The following GRM5 variants were observed in gnomAD, a reference collection of about 807,000 sequenced individuals.
GRM5 encodes the protein glutamate metabotropic receptor 5.
In GRM5, 19 loss-of-function variants were observed where a neutral mutation model predicts 83.1. That is an observed-to-expected ratio of 0.23 (90% CI 0.16 to 0.34). The LOEUF (loss-of-function observed/expected upper bound fraction) is 0.34, where lower values mean the gene tolerates loss of function less well. GRM5 is among the 10% of genes least tolerant of loss of function. The pLI is 1.00. For missense variants in GRM5, 1,160 were observed against 1,588.3 expected (o/e 0.73, Z 4.58); for synonymous variants, 675 against 633.6 (o/e 1.07, Z -0.98).
intron 2 of GRM5, among the ~76,000 whole-genome samples, chr11:88,959,983 TGATAA>T (rs199611016): frequency 3.9e-5 from 6 of 152,284 alleles, no homozygotes; most frequent in African/African-American, 9.6e-5. Context: ...AAGTCATCGC[TGATAA>T]GATGACATTT....
chr11:88,621,801 GT>G (rs1045236060), intron 4 of GRM5, among the ~76,000 whole-genome samples: 1 of 152,130 alleles, frequency 6.6e-6, no homozygotes, highest in Non-Finnish European at 1.5e-5. Context: ...AATAAGCACT[GT>G]AATTGAAATG....
chr11:88,510,237 G>A (rs1941327033), intron 9 of GRM5, among the ~76,000 whole-genome samples: 1 of 152,272 alleles, frequency 6.6e-6, no homozygotes, highest in Non-Finnish European at 1.5e-5. Context: ...TGAGAGTGCT[G>A]TATAATGCCT....
intron 2 of GRM5, among the ~76,000 whole-genome samples, chr11:89,002,589 G>T (rs1430366004): frequency 6.6e-6 from 1 of 152,020 alleles, no homozygotes; most frequent in Non-Finnish European, 1.5e-5. Flanking sequence ...CTGCAACAAG[G>T]GCAACTTTTA....
rs554188877 is a variant in GRM5 at position 89,014,225 on chromosome 11, C to A, written c.661+32987G>T. On this transcript the variant is annotated intron_variant, in intron 2 of 9. Coordinates refer to ENST00000305447, the MANE Select transcript of GRM5 (RefSeq NM_001143831.3). The stretch of plus-strand genomic sequence containing the variant: ...TTTTCACAATTGTTGCTAGTAACTC[C>A]ACCTCTATTTCTTAATAGAAATTTA... Among the ~76,000 whole-genome samples, 960 of 152,166 alleles carry A rather than the reference C, an allele frequency of 6.3e-3. 8 individuals are homozygous for A. Among genetic ancestry groups the A allele is most frequent in the Non-Finnish European group, 6.2e-3 (419 of 67,994 alleles).
intron 3 of GRM5, among the ~76,000 whole-genome samples, chr11:88,686,113 G>C (rs1940616317): frequency 6.6e-6 from 1 of 152,168 alleles, no homozygotes; most frequent in Non-Finnish European, 1.5e-5. Flanking sequence ...CAGCCAGGAG[G>C]GAGGCTGTAC....
chr11:89,005,221 G>T (rs1476062652), intron 2 of GRM5, among the ~76,000 whole-genome samples: 2 of 152,172 alleles, frequency 1.3e-5, no homozygotes, highest in Admixed American at 6.5e-5. Flanking sequence ...ATGAAAGAAA[G>T]AAATTTGAAG....
chr11:88,681,673 C>T (rs908010635), intron 3 of GRM5, among the ~76,000 whole-genome samples: 10 of 142,962 alleles, frequency 7.0e-5, no homozygotes, highest in East Asian at 2.1e-4. Flanking sequence ...TGGGTTCAAA[C>T]GATTCTCCTA....
intron 2 of GRM5, among the ~76,000 whole-genome samples, chr11:88,852,143 T>C (rs1944398791): frequency 1.3e-5 from 2 of 152,186 alleles, no homozygotes; most frequent in African/African-American, 2.4e-5. Context: ...TTATTCTCAA[T>C]ACATTCACTG....
chr11:88,952,510 G>A (rs1197274434), intron 2 of GRM5, among the ~76,000 whole-genome samples: 1 of 152,024 alleles, frequency 6.6e-6, no homozygotes, highest in Non-Finnish European at 1.5e-5. Flanking sequence ...TGAATGTTCT[G>A]ATGCAAAATT....
At chr11:88,564,531 G>A (rs1225275681) in intron 8 of GRM5, among the ~76,000 whole-genome samples, 2 of 152,196 alleles carry the variant, frequency 1.3e-5, no homozygotes, top group Admixed American at 1.3e-4. Context: ...AGGAGTGAGA[G>A]AGATATCTGT....
intron 8 of GRM5, among the ~76,000 whole-genome samples, chr11:88,556,149 AT>A: frequency 6.6e-6 from 1 of 152,230 alleles, no homozygotes; most frequent in South Asian, 2.1e-4. Flanking sequence ...TTCAGGCAGG[AT>A]TCCTGAAGTC....
intron 4 of GRM5, among the ~76,000 whole-genome samples, chr11:88,648,821 C>T (rs563561830): frequency 6.6e-6 from 1 of 151,610 alleles, no homozygotes; most frequent in South Asian, 2.1e-4. Context: ...GAAAAGACTA[C>T]ACAGAGAATA....
intron 3 of GRM5, among the ~76,000 whole-genome samples, chr11:88,703,814 G>A (rs1488822140): frequency 6.6e-6 from 1 of 152,056 alleles, no homozygotes; most frequent in Non-Finnish European, 1.5e-5. Flanking sequence ...ACTTTTATAA[G>A]CACTGACAAT....
At chr11:88,700,876 C>T (rs1287621175) in intron 3 of GRM5, among the ~76,000 whole-genome samples, 1 of 152,104 alleles carries the variant, frequency 6.6e-6, no homozygotes, top group Non-Finnish European at 1.5e-5. Flanking sequence ...GGATGGGGTG[C>T]CATTTTATAA....
At position 89,047,184 on chromosome 11, in the gene GRM5, A is replaced by G. The variant is rs1941659938; in HGVS notation, c.661+28T>C. 3 of 1,514,272 alleles carry G rather than the reference A, an allele frequency of 2.0e-6. No homozygotes were observed. Among genetic ancestry groups the G allele is most frequent in the African/African-American group, 1.4e-5 (1 of 72,616 alleles). The allele number at this position is 1,514,272 out of a possible 1,614,324, so 93.8% of individuals were successfully genotyped here. A position where few individuals can be genotyped will look rare whatever the true frequency, so the allele number is the denominator to read the frequency against. On this transcript the variant is annotated intron_variant, in intron 2 of 9. Coordinates refer to ENST00000305447, the MANE Select transcript of GRM5 (RefSeq NM_001143831.3). This position sits in a 1 kb window ranked among gnomAD's most constrained non-coding sequence, Gnocchi z 5.1. Reference sequence around the variant, plus strand: ...GTAACTGTTGAGTGCATAATAATATATACTCGATGTATGCAAAGGAAACTT... The same window carrying G: ...GTAACTGTTGAGTGCATAATAATATGTACTCGATGTATGCAAAGGAAACTT...
At chr11:88,689,860 G>C (rs555924366) in intron 3 of GRM5, among the ~76,000 whole-genome samples, 1 of 152,094 alleles carries the variant, frequency 6.6e-6, no homozygotes, top group East Asian at 1.9e-4. Flanking sequence ...ACTAAGCCAG[G>C]GGGGTATAAA....
intron 8 of GRM5, among the ~76,000 whole-genome samples, chr11:88,529,696 A>T (rs576634733): frequency 1.3e-5 from 2 of 152,014 alleles, no homozygotes; most frequent in African/African-American, 2.4e-5. Flanking sequence ...ATACTACTAC[A>T]GTTATGCATG....
intron 3 of GRM5, among the ~76,000 whole-genome samples, chr11:88,787,131 ATGTGTGTGTG>A (rs57116541): frequency 0.28 from 40,180 of 143,344 alleles, 6,354 homozygotes; most frequent in Non-Finnish European, 0.37. Flanking sequence ...ATATGATATG[ATGTGTGTGTG>A]TGTGTGTGTG....
intron 2 of GRM5, among the ~76,000 whole-genome samples, chr11:88,895,218 T>C (rs1945211914): frequency 6.6e-6 from 1 of 151,958 alleles, no homozygotes; most frequent in Non-Finnish European, 1.5e-5. Context: ...TTCAATTGTT[T>C]TGGATGGGGG....
Sources: gnomAD v4.1 joint callset for allele counts (sites outside exome capture counted in the v4.1 genomes callset) on GRCh38, gnomAD v4.1.1 for gene constraint, Gnocchi (gnomAD v3.1) non-coding constraint, MANE v1.5 for transcripts, NCBI Gene and HGNC (gene_info 2026-07-23, HGNC 2026-07-21) for gene names.